Variants in GPR158 observed in about 807,000 individuals in gnomAD.
The protein encoded by GPR158 is metabotropic glycine receptor.
Under a neutral mutation model 78.2 loss-of-function variants are expected in GPR158, and 30 were observed. The ratio of observed to expected loss-of-function variants is 0.38; its 90% CI spans 0.29 to 0.52. The LOEUF is 0.52. Ranked by LOEUF, GPR158 falls within the 20% of genes least tolerant of loss-of-function variation. The probability of loss-of-function intolerance (pLI) is 0.83; values close to 1 mark genes in which losing one functional copy is unlikely to be tolerated. For synonymous variants in GPR158, 581 were observed against 591.1 expected (o/e 0.98, Z 0.25); for missense variants, 1,463 against 1,523.5 (o/e 0.96, Z 0.66).
chr10:25,308,315 C>T (rs116440455), intron 2 of GPR158, among the ~76,000 whole-genome samples: 1,899 of 152,130 alleles, frequency 0.012, 47 homozygotes, highest in African/African-American at 0.043. Flanking sequence ...ACCTACCACC[C>T]GACAGGCCCC....
chr10:25,186,960 A>ATTTT (rs1172184108), intron 1 of GPR158, among the ~76,000 whole-genome samples: 1 of 119,242 alleles, frequency 8.4e-6, no homozygotes, highest in African/African-American at 3.3e-5. Context: ...TCCCTAACTC[A>ATTTT]TTTTTTTTTT....
intron 5 of GPR158, among the ~76,000 whole-genome samples, chr10:25,509,478 A>C (rs1836055788): frequency 6.6e-6 from 1 of 152,198 alleles, no homozygotes; most frequent in South Asian, 2.1e-4. Context: ...CTCTTCTGGA[A>C]GACTTAAAGG....
At chr10:25,505,536 T>C (rs972031399) in intron 5 of GPR158, among the ~76,000 whole-genome samples, 3 of 152,200 alleles carry the variant, frequency 2.0e-5, no homozygotes, top group Non-Finnish European at 4.4e-5. Flanking sequence ...ATTGACAGGA[T>C]AAATTTTCAA....
intron 3 of GPR158, among the ~76,000 whole-genome samples, chr10:25,406,211 G>A (rs1426398907): frequency 1.3e-5 from 2 of 152,188 alleles, no homozygotes; most frequent in Non-Finnish European, 2.9e-5. Context: ...TTGCCCAGAA[G>A]TGTGGTGAAA....
chr10:25,554,748 G>T (rs143122622), intron 6 of GPR158, among the ~76,000 whole-genome samples: 12 of 152,264 alleles, frequency 7.9e-5, no homozygotes, highest in African/African-American at 2.6e-4. Flanking sequence ...CCAAGTTGGG[G>T]TTCGGGGTGA....
chr10:25,472,649 T>A (rs544365003), intron 5 of GPR158, among the ~76,000 whole-genome samples: 2 of 152,282 alleles, frequency 1.3e-5, no homozygotes, highest in South Asian at 4.1e-4. Context: ...TGAGCAGCGG[T>A]TTGTAGTTCT....
chr10:25,341,307 C>T (rs982910308), intron 2 of GPR158, among the ~76,000 whole-genome samples: 4 of 152,032 alleles, frequency 2.6e-5, no homozygotes, highest in Admixed American at 1.3e-4. Flanking sequence ...CACTGTACAA[C>T]TCAGTAATAG....
intron 2 of GPR158, among the ~76,000 whole-genome samples, chr10:25,269,825 T>C (rs546895447): frequency 2.3e-4 from 35 of 152,330 alleles, no homozygotes; most frequent in Non-Finnish European, 4.3e-4. Flanking sequence ...GATCCTGATA[T>C]CCAAAAGTGT....
intron 1 of GPR158, among the ~76,000 whole-genome samples, chr10:25,179,138 G>A (rs1852581014): frequency 6.6e-6 from 1 of 152,086 alleles, no homozygotes; most frequent in Admixed American, 6.6e-5. Context: ...TACTCATAAA[G>A]GAAAAGGTTT....
chr10:25,358,406 A>C (rs1254421011), intron 2 of GPR158, among the ~76,000 whole-genome samples: 1 of 152,066 alleles, frequency 6.6e-6, no homozygotes, highest in African/African-American at 2.4e-5. Context: ...CCCAAGTCTC[A>C]TTTTGTAGCT....
At chr10:25,516,082 T>C (rs986187315) in intron 5 of GPR158, among the ~76,000 whole-genome samples, 7 of 152,028 alleles carry the variant, frequency 4.6e-5, no homozygotes, top group South Asian at 4.2e-4. Flanking sequence ...TGAGATGATA[T>C]CTCATAGTGG....
chr10:25,231,634 C>T (rs773924002), intron 2 of GPR158, among the ~76,000 whole-genome samples: 1 of 152,032 alleles, frequency 6.6e-6, no homozygotes, highest in Non-Finnish European at 1.5e-5. Context: ...TGTCTGTACA[C>T]GTTATCTGGG....
intron 1 of GPR158, among the ~76,000 whole-genome samples, chr10:25,220,226 T>G (rs547554734): frequency 1.3e-5 from 2 of 152,298 alleles, no homozygotes; most frequent in South Asian, 4.1e-4. Flanking sequence ...TGTGTGATAG[T>G]GCAGTGTTGG....
chr10:25,222,350 C>T (rs185999449), intron 2 of GPR158, among the ~76,000 whole-genome samples: 2 of 147,802 alleles, frequency 1.4e-5, no homozygotes, highest in African/African-American at 5.0e-5. Context: ...GTAATGCTCC[C>T]ATATCCCTCT....
chr10:25,259,087 TGAG>T (rs1367136017), intron 2 of GPR158, among the ~76,000 whole-genome samples: 1 of 152,080 alleles, frequency 6.6e-6, no homozygotes, highest in Non-Finnish European at 1.5e-5. Context: ...TTGAATAGGC[TGAG>T]GAGGAGGAGG....
chr10:25,589,185 TTC>T (rs752773211), intron 8 of GPR158, 40 bp downstream of exon 8: 2 of 1,453,978 alleles, frequency 1.4e-6, no homozygotes, highest in Non-Finnish European at 1.9e-6. Context: ...TATTTTATTT[TTC>T]TGATGTGTTG....
chr10:25,434,659 G>A (rs1834972967), intron 4 of GPR158, among the ~76,000 whole-genome samples: 1 of 152,084 alleles, frequency 6.6e-6, no homozygotes, highest in Non-Finnish European at 1.5e-5. Context: ...AGGAATATAA[G>A]GAAATATATA....
intron 4 of GPR158, among the ~76,000 whole-genome samples, chr10:25,450,086 A>G (rs983484075): frequency 6.6e-6 from 1 of 152,074 alleles, no homozygotes; most frequent in Non-Finnish European, 1.5e-5. Flanking sequence ...ACAAAAAACT[A>G]AAACCACCTT....
chr10:25,400,266 A>C (rs999925452), intron 3 of GPR158, among the ~76,000 whole-genome samples: 1 of 152,222 alleles, frequency 6.6e-6, no homozygotes, highest in Non-Finnish European at 1.5e-5. Flanking sequence ...CTTAATTTAT[A>C]ATTGTAAATA....
Sources: allele counts gnomAD v4.1 joint callset (sites outside exome capture counted in the v4.1 genomes callset), GRCh38; gene constraint gnomAD v4.1.1; transcripts MANE v1.5; gene names NCBI Gene and HGNC (gene_info 2026-07-23, HGNC 2026-07-21).